EYA1: variants seen among roughly 807,000 people sequenced by gnomAD.
EYA1 encodes protein phosphatase EYA1.
EYA1 carries 16 observed loss-of-function variants against 82.0 expected under a neutral mutation model. The observed-to-expected ratio is 0.20, with a 90% CI of 0.13 to 0.30. EYA1 has a LOEUF of 0.30. EYA1 is among the 10% of genes least tolerant of loss of function. The pLI is 1.00. For synonymous variants in EYA1, 261 were observed against 264.4 expected (o/e 0.99, Z 0.12); for missense variants, 633 against 730.7 (o/e 0.87, Z 1.54).
At chr8:71,521,822 C>T (rs149313300) in intron 2 of EYA1, among the ~76,000 whole-genome samples, 2,968 of 152,148 alleles carry the variant, frequency 0.02, 41 homozygotes, top group Middle Eastern at 0.044. Flanking sequence ...TACGTAGGCA[C>T]TAAGTAATCA....
chr8:71,517,201 T>C (rs1813034576), intron 2 of EYA1, among the ~76,000 whole-genome samples: 1 of 152,034 alleles, frequency 6.6e-6, no homozygotes, highest in Non-Finnish European at 1.5e-5. Flanking sequence ...CTCAGATCTA[T>C]ACTTTCAGGC....
intron 2 of EYA1, among the ~76,000 whole-genome samples, chr8:71,518,146 C>T (rs1225793221): frequency 6.6e-6 from 1 of 152,040 alleles, no homozygotes; most frequent in Non-Finnish European, 1.5e-5. Context: ...GGATATTCTA[C>T]TTTATAAAAT....
At chr8:71,544,169 T>C (rs1271835620) in intron 1 of EYA1, among the ~76,000 whole-genome samples, 1 of 152,230 alleles carries the variant, frequency 6.6e-6, no homozygotes, top group Non-Finnish European at 1.5e-5. Context: ...GCAACTCATA[T>C]TAGAGCAAAG....
chr8:71,205,433 C>T (rs1453670853), intron 17 of EYA1, among the ~76,000 whole-genome samples: 1 of 151,796 alleles, frequency 6.6e-6, no homozygotes, highest in Non-Finnish European at 1.5e-5. Context: ...AAAAGAACAA[C>T]TGGTGGATTT....
intron 17 of EYA1, among the ~76,000 whole-genome samples, chr8:71,205,523 TCACA>T (rs965593019): frequency 1.3e-5 from 2 of 152,190 alleles, no homozygotes; most frequent in African/African-American, 4.8e-5. Context: ...AAAGAGGCAC[TCACA>T]CAAACTCCTG....
Position 71,266,377 on chromosome 8 carries a change from G to A in EYA1, c.1050+3363C>T, listed in dbSNP as rs566483869. 2.6e-5 allele frequency among the ~76,000 whole-genome samples: 4 copies of A among 152,228 alleles called. No individual in the cohort carries two copies. The East Asian group carries it at 7.7e-4, about 29-fold the overall frequency. On this transcript the variant is annotated intron_variant, in intron 11 of 17. Transcript: ENST00000340726. ...TCAGCTTGCTTATTATTATTGTTTG[G>A]AAGAATCCTTGTTGAATCACATTTT...
chr8:71,236,465 T>C (rs191135018), intron 12 of EYA1, among the ~76,000 whole-genome samples: 58 of 152,336 alleles, frequency 3.8e-4, no homozygotes, highest in African/African-American at 1.1e-3. Context: ...ATACAATAAA[T>C]TGTCTTAAAA....
At chr8:71,527,779 T>A (rs1813932074) in intron 2 of EYA1, among the ~76,000 whole-genome samples, 1 of 152,212 alleles carries the variant, frequency 6.6e-6, no homozygotes, top group Non-Finnish European at 1.5e-5. Flanking sequence ...GTTCCATATG[T>A]CTATGGCAAC....
At chr8:71,432,563 T>G (rs1391051385) in intron 2 of EYA1, among the ~76,000 whole-genome samples, 1 of 152,184 alleles carries the variant, frequency 6.6e-6, no homozygotes, top group Non-Finnish European at 1.5e-5. Flanking sequence ...GCCTTCCCCA[T>G]GTCCTCACAT....
chr8:71,287,543 T>G (rs1818522647), intron 9 of EYA1, among the ~76,000 whole-genome samples: 2 of 152,218 alleles, frequency 1.3e-5, no homozygotes, highest in African/African-American at 4.8e-5. Flanking sequence ...TCCAGTAATC[T>G]CTGGATAACC....
intron 2 of EYA1, among the ~76,000 whole-genome samples, chr8:71,482,330 AACC>A (rs1452481691): frequency 6.6e-6 from 1 of 152,220 alleles, no homozygotes; most frequent in Non-Finnish European, 1.5e-5. Flanking sequence ...ATGCAAATTA[AACC>A]ACAACAACAT....
chr8:71,362,259 CTCTG>C (rs908933879), upstream of EYA1: 8 of 925,288 alleles, frequency 8.6e-6, no homozygotes, highest in Admixed American at 1.7e-4. Flanking sequence ...AGGAGCACTG[CTCTG>C]TCTGACTCAA....
chr8:71,407,318 TCTC>T, intron 2 of EYA1, among the ~76,000 whole-genome samples: 1 of 121,764 alleles, frequency 8.2e-6, no homozygotes, highest in Non-Finnish European at 1.7e-5. Flanking sequence ...GCAGAGCGCC[TCTC>T]CTCCTCCAAA....
At chr8:71,494,909 T>C (rs1445187225) in intron 2 of EYA1, among the ~76,000 whole-genome samples, 1 of 151,970 alleles carries the variant, frequency 6.6e-6, no homozygotes, top group African/African-American at 2.4e-5. Flanking sequence ...TTAAAACTTG[T>C]GTAAGCTTCA....
chr8:71,407,062 G>C (rs1381807774), intron 2 of EYA1, among the ~76,000 whole-genome samples: 4 of 107,508 alleles, frequency 3.7e-5, no homozygotes, highest in African/African-American at 6.1e-5. Flanking sequence ...GTGGGTCCCT[G>C]ACCCCTGACC....
In EYA1 at chr8:71,412,589, G is replaced by C. The variant is rs554613812; in HGVS notation, c.34-56078C>G. On this transcript the variant is annotated intron_variant, in intron 2 of 18. Transcript: ENST00000643681. ...CAAAGTAATACGGGAGGAGTGGATG[G>C]AGACATGGCTGAAGCAAGGCAATGA... Among the ~76,000 whole-genome samples, 230 of 152,222 alleles carry C rather than the reference G, an allele frequency of 1.5e-3. 3 individuals are homozygous for C. Among genetic ancestry groups the C allele is most frequent in the Middle Eastern group, 3.4e-3 (1 of 294 alleles).
intron 2 of EYA1, among the ~76,000 whole-genome samples, chr8:71,418,528 A>G (rs1830974854): frequency 6.6e-6 from 1 of 152,112 alleles, no homozygotes; most frequent in African/African-American, 2.4e-5. Flanking sequence ...ACTGGTCTTA[A>G]TTTACCTTTC....
chr8:71,345,687 T>C (rs947042833), intron 3 of EYA1, among the ~76,000 whole-genome samples: 62 of 152,168 alleles, frequency 4.1e-4, no homozygotes, highest in Non-Finnish European at 3.7e-4. Flanking sequence ...ATCAGATTTG[T>C]TCAGAAAAAG....
intron 2 of EYA1, among the ~76,000 whole-genome samples, chr8:71,437,349 T>A (rs1257834754): frequency 6.6e-6 from 1 of 151,944 alleles, no homozygotes; most frequent in Admixed American, 6.6e-5. Flanking sequence ...ATGTACTGTG[T>A]TAGAAAGAGC....
Sources: gnomAD v4.1 joint callset for allele counts (sites outside exome capture counted in the v4.1 genomes callset) on GRCh38, gnomAD v4.1.1 for gene constraint, MANE v1.5 for transcripts, NCBI Gene and HGNC (gene_info 2026-07-23, HGNC 2026-07-21) for gene names.